The following ADGRB1 variants were observed in gnomAD, a reference collection of about 807,000 sequenced individuals.
ADGRB1 encodes the protein brain-specific angiogenesis inhibitor 1.
A neutral mutation model predicts 175.7 loss-of-function variants in ADGRB1; 36 were observed. That is an observed-to-expected ratio of 0.20 (90% CI 0.16 to 0.27). The LOEUF (loss-of-function observed/expected upper bound fraction) is 0.27. ADGRB1 is among the 10% of genes least tolerant of loss of function. The probability of loss-of-function intolerance (pLI) is 1.00; values close to 1 mark genes in which losing one functional copy is unlikely to be tolerated. For synonymous variants in ADGRB1, 1,054 were observed against 979.4 expected (o/e 1.08, Z -1.42); for missense variants, 1,731 against 2,255.3 (o/e 0.77, Z 4.71).
intron 17 of ADGRB1, among the ~76,000 whole-genome samples, chr8:142,491,978 G>C (rs1441828722): frequency 6.6e-6 from 1 of 152,078 alleles, no homozygotes; most frequent in African/African-American, 2.4e-5. Flanking sequence ...GCCAGGAGGA[G>C]CAGGCAGAGG....
chr8:142,453,518 G>GCGAGGC, intron 1 of ADGRB1, among the ~76,000 whole-genome samples: 1 of 152,330 alleles, frequency 6.6e-6, no homozygotes, highest in Non-Finnish European at 1.5e-5. Context: ...GGCCTCCCTG[G>GCGAGGC]CTGCAGCTGC....
intron 9 of ADGRB1, 118 bp downstream of exon 9, chr8:142,479,912 C>A: frequency 1.8e-6 from 2 of 1,132,864 alleles, no homozygotes; most frequent in Non-Finnish European, 2.5e-6. Context: ...AGACAGCCTG[C>A]GTGTGCTGGC....
chr8:142,464,398 G>C lies in ADGRB1; in HGVS notation c.200G>C (p.Arg67Pro). 6.5e-7 allele frequency: 1 copy of C among 1,529,720 alleles called. No homozygotes were observed. The highest frequency in any genetic ancestry group is 1.4e-5 in the African/African-American group (1 of 70,490). 94.8% of individuals were successfully genotyped at this position (1,529,720 alleles called of 1,614,324 possible). ...GCCGTGTTCCCGGCCAACGCCTCGC[G>C]CTGCTCCTGGACGCTACGCAACCCG... ...AAAVFPANAS[R>P]CSWTLRNPDP... The change falls in exon 2 of 31, where the codon CGC becomes CCC. Residue 67 changes from arginine (R) to proline (P), a missense_variant. By Grantham distance (103) the Arg-to-Pro change is moderately radical. Transcript: ENST00000517894.
At chr8:142,453,441 A>G (rs943852860) in intron 1 of ADGRB1, among the ~76,000 whole-genome samples, 4 of 152,120 alleles carry the variant, frequency 2.6e-5, no homozygotes, top group Admixed American at 6.5e-5. Flanking sequence ...ACCCCGAACC[A>G]GGAGGGTATT....
In ADGRB1 at chr8:142,489,130, T is replaced by G. The variant is rs1311223479; in HGVS notation, c.2528+20T>G. On this transcript the variant is annotated intron_variant, in intron 15 of 30. Coordinates refer to ENST00000517894, the MANE Select transcript of ADGRB1 (RefSeq NM_001702.3). ...GCAGAGGTGGGGAGCCCTGGGCAGGTGGGGTGGGCAGTGCAGGGCAGGTGG... is the reference window on the plus strand; with the variant it reads ...GCAGAGGTGGGGAGCCCTGGGCAGGGGGGGTGGGCAGTGCAGGGCAGGTGG... The G allele has an allele frequency of 6.3e-7, 1 of 1,587,210 alleles. No homozygotes were observed. Among genetic ancestry groups the G allele is most frequent in the Non-Finnish European group, 8.5e-7 (1 of 1,170,126 alleles).
Position 142,539,449 on chromosome 8 carries a change from C to G in ADGRB1, c.3706+36C>G, listed in dbSNP as rs575575150. The G allele has an allele frequency of 6.3e-6, 10 of 1,595,054 alleles. No homozygotes were observed. In the East Asian group the frequency reaches 1.8e-4, roughly 29 times the overall value. On this transcript the variant is annotated intron_variant, in intron 27 of 30. Transcript: ENST00000517894. ...GACAGGTGAGAGGACAGTGCCAGCC[C>G]GGCCCCCTGCATGGCCCCACTCCAC...
Position 142,464,071 on chromosome 8 carries a change from T to G in ADGRB1, c.-128T>G. 2.3e-6 allele frequency: 1 copy of G among 437,408 alleles called. No homozygotes were observed. The allele number at this position is 437,408 out of a possible 1,614,324, so 27.1% of individuals were successfully genotyped here. A position where few individuals can be genotyped will look rare whatever the true frequency, so the allele number is the denominator to read the frequency against. On this transcript the variant is annotated 5_prime_UTR_variant, in exon 2 of 31. Transcript: ENST00000517894. ...TCACCTGAAGCGGGGCCCTCTCCCA[T>G]CCCACCCTTGCCCCGCCTCCCTGCC...
At position 142,479,767 on chromosome 8, in the gene ADGRB1, G is replaced by A; in HGVS notation, c.1801G>A (p.Ala601Thr). 6.2e-7 allele frequency: 1 copy of A among 1,613,188 alleles called. No homozygotes were observed. Among genetic ancestry groups the A allele is most frequent in the African/African-American group, 1.3e-5 (1 of 74,932 alleles). ...WKETPAGEVA[A>T]VRCPRNATGL... ...GGAGACCCCAGCGGGAGAGGTGGCT[G>A]CTGTCCGGTGTCCCCGCAACGCCAC... Residue 601 changes from alanine to threonine, a missense_variant, in exon 9 of 31, where the codon GCT (alanine) becomes ACT (threonine). By Grantham distance (58) the Ala-to-Thr change is moderately conservative. Around this residue, in one of 8 missense-constraint regions of ADGRB1, gnomAD observed 388 missense variants for 630.9 expected, o/e 0.61. Transcript: ENST00000517894.
At chr8:142,523,383 G>A (rs1843975588) in intron 22 of ADGRB1, among the ~76,000 whole-genome samples, 2 of 110,056 alleles carry the variant, frequency 1.8e-5, no homozygotes, top group South Asian at 3.7e-4. Context: ...AGGAGGAAGT[G>A]ACTGATGCTG....
chr8:142,526,361 T>A (rs1199528467), intron 23 of ADGRB1, among the ~76,000 whole-genome samples, 181 bp from the exon 24 acceptor site: 1 of 152,134 alleles, frequency 6.6e-6, no homozygotes, highest in African/African-American at 2.4e-5. Context: ...AGTTGGCAGC[T>A]GGGCTGGAGG....
chr8:142,543,516 C>G lies in ADGRB1; in HGVS notation c.4449+78C>G, dbSNP rs893578811. 1.2e-6 allele frequency: 2 copies of G among 1,604,928 alleles called. No homozygotes were observed. The highest frequency in any genetic ancestry group is 1.7e-6 in the Non-Finnish European group (2 of 1,175,276). On this transcript the variant is annotated intron_variant, in intron 29 of 30. Coordinates refer to ENST00000517894, the MANE Select transcript of ADGRB1 (RefSeq NM_001702.3). The surrounding 1 kb of genome is among the most constrained non-coding windows in gnomAD (Gnocchi z 4.4). ...GCTCCCACACGGCCAGGCAGCTCCC[C>G]GGCAGCCAGGGGACGGGCGGGGCAG...
chr8:142,489,786 G>A (rs538538935), intron 16 of ADGRB1, among the ~76,000 whole-genome samples: 6 of 152,100 alleles, frequency 3.9e-5, no homozygotes, highest in Non-Finnish European at 8.8e-5. Flanking sequence ...CAAGAAGCTG[G>A]GGGTGTAAGT....
intron 16 of ADGRB1, 132 bp downstream of exon 16, chr8:142,489,570 C>T: frequency 1.0e-6 from 1 of 982,466 alleles, no homozygotes; most frequent in South Asian, 1.5e-5. Context: ...ACTTTTATCC[C>T]TGGATTACAG....
At chr8:142,526,831 A>C (rs1302282268) in intron 24 of ADGRB1, among the ~76,000 whole-genome samples, 1 of 152,204 alleles carries the variant, frequency 6.6e-6, no homozygotes, top group East Asian at 1.9e-4. Context: ...CAGTTTCTCC[A>C]TCTGACCTGG....
intron 9 of ADGRB1, 127 bp downstream of exon 9, chr8:142,479,921 G>A (rs906920945): frequency 3.7e-6 from 4 of 1,074,602 alleles, no homozygotes; most frequent in African/African-American, 3.2e-5. Context: ...GCGTGTGCTG[G>A]CGCGGGGTGG....
chr8:142,477,810 T>C (rs1037348512), intron 6 of ADGRB1, among the ~76,000 whole-genome samples: 3 of 151,098 alleles, frequency 2.0e-5, no homozygotes, highest in African/African-American at 4.9e-5. Flanking sequence ...GTTCATGCCA[T>C]GTCCCAGGCT....
intron 24 of ADGRB1, among the ~76,000 whole-genome samples, chr8:142,530,778 G>A (rs1040441136): frequency 6.6e-6 from 1 of 152,180 alleles, no homozygotes; most frequent in African/African-American, 2.4e-5. Context: ...CCAGAAGGAT[G>A]TTCCCTTTGC....
chr8:142,520,162 TA>T, intron 19 of ADGRB1, among the ~76,000 whole-genome samples: 1 of 122,944 alleles, frequency 8.1e-6, no homozygotes, highest in South Asian at 2.7e-4. Context: ...ATGGTGGTGG[TA>T]GTGGTAGTGG....
chr8:142,481,414 C>T, intron 10 of ADGRB1, 54 bp downstream of exon 10: 2 of 1,602,974 alleles, frequency 1.2e-6, no homozygotes, highest in Non-Finnish European at 8.5e-7. Context: ...CCTGGCCACA[C>T]AGGTTGGGAC....
Sources: allele counts gnomAD v4.1 joint callset (sites outside exome capture counted in the v4.1 genomes callset), GRCh38; gene constraint gnomAD v4.1.1; regional missense constraint gnomAD v4.1.1; non-coding constraint Gnocchi (gnomAD v3.1); transcripts MANE v1.5; gene names NCBI Gene and HGNC (gene_info 2026-07-23, HGNC 2026-07-21).